Variants in ZNF491 observed in about 807,000 individuals in gnomAD.
ZNF491 encodes the protein zinc finger protein 491.
ZNF491 carries 22 observed loss-of-function variants against 34.7 expected under a neutral mutation model. The observed-to-expected ratio is 0.63, with a 90% CI of 0.45 to 0.90. The LOEUF is 0.90. Ranked by LOEUF, ZNF491 falls within the 40% of genes least tolerant of loss-of-function variation. The pLI is 0.00. For missense variants in ZNF491, 559 were observed against 531.7 expected (o/e 1.05, Z -0.51); for synonymous variants, 148 against 174.3 (o/e 0.85, Z 1.19).
chr19:11,808,047 T>C lies in ZNF491; in HGVS notation c.*780T>C, dbSNP rs1257167433. ...CTTTGATTATATGTGATTGACAATG[T>C]GTATTTTTGAGGGAGCAAAGATTTC... On this transcript the variant is annotated 3_prime_UTR_variant, in exon 3 of 3. Transcript: ENST00000323169. 1 of 167,092 alleles carries C rather than the reference T, an allele frequency of 6.0e-6. No homozygotes were observed. The highest frequency in any genetic ancestry group is 1.5e-5 in the Non-Finnish European group (1 of 68,116). The allele number at this position is 167,092 out of a possible 1,614,324, so 10.4% of individuals were successfully genotyped here. A position where few individuals can be genotyped will look rare whatever the true frequency, so the allele number is the denominator to read the frequency against.
chr19:11,802,807 C>T (rs576427943), intron 1 of ZNF491, among the ~76,000 whole-genome samples: 1 of 152,266 alleles, frequency 6.6e-6, no homozygotes, highest in Non-Finnish European at 1.5e-5. Flanking sequence ...TGTGAACACA[C>T]ATTTTCAAGT....
chr19:11,806,434 T>C lies in ZNF491; in HGVS notation c.481T>C (p.Cys161Arg). The C allele has an allele frequency of 6.2e-7, 1 of 1,613,464 alleles. No individual in the cohort carries two copies. The highest frequency in any genetic ancestry group is 8.5e-7 in the Non-Finnish European group (1 of 1,179,690). Residue 161 changes from cysteine (C) to arginine (R), a missense_variant, in exon 3 of 3, where the codon TGT becomes CGT. By Grantham distance (180) the Cys-to-Arg change is radical. Coordinates refer to ENST00000323169, the MANE Select transcript of ZNF491 (RefSeq NM_152356.4). ...RTHTGEKRYE[C>R]KQCGKAFSWH... Reference sequence around the variant, plus strand: ...TCACACTGGAGAGAAACGATATGAATGTAAACAATGTGGTAAAGCCTTCAG... The same window carrying C: ...TCACACTGGAGAGAAACGATATGAACGTAAACAATGTGGTAAAGCCTTCAG...
chr19:11,806,399 A>G lies in ZNF491; in HGVS notation c.446A>G (p.His149Arg), dbSNP rs780333499. The G allele has an allele frequency of 6.2e-7, 1 of 1,613,590 alleles. No homozygotes were observed. ...GATTGTCTCAGTTTATACCTTACCC[A>G]TGAACGAACTCACACTGGAGAGAAA... ...ALDCLSLYLT[H>R]ERTHTGEKRY... Residue 149 changes from histidine (H) to arginine (R), a missense_variant, in exon 3 of 3, where the codon CAT becomes CGT. Physicochemically the swap from His to Arg is conservative, Grantham distance 29. Transcript: ENST00000323169.
chr19:11,805,815 C>A, intron 2 of ZNF491, 132 bp from the exon 3 acceptor site: 1 of 759,890 alleles, frequency 1.3e-6, no homozygotes, highest in Non-Finnish European at 2.0e-6. Context: ...CCACTGCACT[C>A]CAGCCTGGGT....
At chr19:11,803,293 T>A (rs1310450530) in intron 1 of ZNF491, among the ~76,000 whole-genome samples, 1 of 152,182 alleles carries the variant, frequency 6.6e-6, no homozygotes, top group African/African-American at 2.4e-5. Context: ...ATAAATTTGT[T>A]ATTTTGGAAT....
At position 11,798,619 on chromosome 19, in the gene ZNF491, C is replaced by G. The variant is rs1329032799; in HGVS notation, c.-242C>G. 6.6e-6 allele frequency: 1 copy of G among 152,554 alleles called. No individual in the cohort carries two copies. Among genetic ancestry groups the G allele is most frequent in the Non-Finnish European group, 1.5e-5 (1 of 68,314 alleles). 9.5% of individuals were successfully genotyped at this position (152,554 alleles called of 1,614,324 possible). ...GTTCTGCATCCAGTCCTTGCTGCTC[C>G]GAGAGGCCCCAGGTGCCTCCGCCAC... On this transcript the variant is annotated 5_prime_UTR_variant, in exon 1 of 3. Transcript: ENST00000323169. This position sits in a 1 kb window ranked among gnomAD's most constrained non-coding sequence, Gnocchi z 4.0.
chr19:11,806,679 C>G lies in ZNF491; in HGVS notation c.726C>G (p.Pro242=). Residue 242 remains proline, a synonymous_variant, in exon 3 of 3, where the codon CCC becomes CCG. Coordinates refer to ENST00000323169, the MANE Select transcript of ZNF491 (RefSeq NM_152356.4). ...RHERTHTGEK[P]YECKLYGKAL... is the part of the protein sequence containing the mutation. ...AAAGGACTCACACAGGAGAAAAACC[C>G]TATGAATGTAAACTATATGGGAAAG... 1 of 1,612,960 alleles carries G rather than the reference C, an allele frequency of 6.2e-7. No individual in the cohort carries two copies. The highest frequency in any genetic ancestry group is 8.5e-7 in the Non-Finnish European group (1 of 1,179,646).
chr19:11,801,152 AC>A (rs1975555209), intron 1 of ZNF491, among the ~76,000 whole-genome samples: 1 of 152,200 alleles, frequency 6.6e-6, no homozygotes, highest in Non-Finnish European at 1.5e-5. Context: ...CAGCTCAGCA[AC>A]ATAGAGAGAC....
chr19:11,804,206 C>CAAAAAA (rs71166629), intron 1 of ZNF491, among the ~76,000 whole-genome samples: 44 of 69,196 alleles, frequency 6.4e-4, no homozygotes, highest in East Asian at 2.7e-3. Context: ...CCATCTCAGA[C>CAAAAAA]AAAAAAAAAA....
intron 1 of ZNF491, among the ~76,000 whole-genome samples, chr19:11,801,708 C>G (rs555426894): frequency 1.3e-5 from 2 of 152,248 alleles, no homozygotes; most frequent in East Asian, 3.9e-4. Flanking sequence ...TTTACTAGCT[C>G]AAGCATTTTA....
intron 2 of ZNF491, among the ~76,000 whole-genome samples, chr19:11,805,079 G>T (rs1025542285): frequency 2.8e-4 from 43 of 152,306 alleles, no homozygotes; most frequent in African/African-American, 1.0e-3. Flanking sequence ...TGATATAGAG[G>T]TTTAATGTTC....
intron 2 of ZNF491, among the ~76,000 whole-genome samples, chr19:11,805,409 CAAAAAA>C (rs971587205): frequency 6.7e-4 from 33 of 48,994 alleles, no homozygotes; most frequent in African/African-American, 1.6e-3. Flanking sequence ...AACTCCGTCT[CAAAAAA>C]AAAAAAAAAA....
Position 11,806,983 on chromosome 19 carries a change from A to C in ZNF491, c.1030A>C (p.Ile344Leu). 1 of 1,613,118 alleles carries C rather than the reference A, an allele frequency of 6.2e-7. No individual in the cohort carries two copies. The highest frequency in any genetic ancestry group is 8.5e-7 in the Non-Finnish European group (1 of 1,179,556). ...CTTCAGATCTGCCAAGTACATTCGA[A>C]TACATGGAAGGACTCACACTGGTGA... ...KAFRSAKYIRIHGRTHTGEKP... is the reference protein window; with the variant it reads ...KAFRSAKYIRLHGRTHTGEKP... Residue 344 changes from isoleucine to leucine, a missense_variant, in exon 3 of 3, where the codon ATA becomes CTA. Coordinates refer to ENST00000323169, the MANE Select transcript of ZNF491 (RefSeq NM_152356.4).
rs201545059 is a variant in ZNF491, at chr19:11,806,476, C to A, written c.523C>A (p.Arg175=). 3 of 1,613,646 alleles carry A rather than the reference C, an allele frequency of 1.9e-6. No individual in the cohort carries two copies. Among genetic ancestry groups the A allele is most frequent in the South Asian group, 1.1e-5 (1 of 91,000 alleles). ...AGCCTTCAGTTGGCACAGTTCTGTT[C>A]GAATCCATGAAAGAACTCACACTGG... ...GKAFSWHSSV[R]IHERTHTGEK... Residue 175 remains arginine, a synonymous_variant, in exon 3 of 3, where the codon CGA becomes AGA. Coordinates refer to ENST00000323169, the MANE Select transcript of ZNF491 (RefSeq NM_152356.4).
chr19:11,807,025 A>T lies in ZNF491; in HGVS notation c.1072A>T (p.Lys358Ter), dbSNP rs1334380751. Reference protein sequence around the residue: ...THTGEKPYECKQCGKAFHCVS... With the variant: ...THTGEKPYEC The stretch of plus-strand genomic sequence containing the variant: ...CACTGGTGAGAAACCCTATGAATGT[A>T]AGCAATGTGGGAAAGCATTTCATTG... Residue 358 changes from lysine (K) to a stop codon, truncating the protein, a stop_gained, in exon 3 of 3, where the codon AAG becomes TAG. Coordinates refer to ENST00000323169, the MANE Select transcript of ZNF491 (RefSeq NM_152356.4). LOFTEE classifies it high-confidence loss of function. The T allele has an allele frequency of 6.2e-7, 1 of 1,611,386 alleles. No homozygotes were observed. Among genetic ancestry groups the T allele is most frequent in the African/African-American group, 1.3e-5 (1 of 74,804 alleles).
rs781140555 is a variant in ZNF491 at position 11,806,882 on chromosome 19, G to GTTCCACTTCGTTTC, written c.930_943dup (p.Gln315LeufsTer135). 8 of 1,610,786 alleles carry GTTCCACTTCGTTTC rather than the reference G, an allele frequency of 5.0e-6. No individual in the cohort carries two copies. In the South Asian group the frequency reaches 8.8e-5, roughly 18 times the overall value. On this transcript the variant is annotated frameshift_variant, in exon 3 of 3. Transcript: ENST00000323169. LOFTEE classifies it high-confidence loss of function. ...AAGCAATGTGGGAAAGCCTTCACTT[G>GTTCCACTTCGTTTC]TTCCACTTCGTTTCAATATCATGAA...
At position 11,808,275 on chromosome 19, in the gene ZNF491, G is replaced by A. The variant is rs527547112; in HGVS notation, c.*1008G>A. ...TGGATACCTGTAATCCCAGCTACTC[G>A]GGAGGCTGAGGCAGGAGAATCTCCT... On this transcript the variant is annotated 3_prime_UTR_variant, in exon 3 of 3. Transcript: ENST00000323169. Among the ~76,000 whole-genome samples the A allele has an allele frequency of 3.3e-5, 5 of 151,892 alleles. No individual in the cohort carries two copies. Among genetic ancestry groups the A allele is most frequent in the South Asian group, 2.1e-4 (1 of 4,798 alleles).
chr19:11,804,265 T>C (rs1599280705), intron 1 of ZNF491, among the ~76,000 whole-genome samples: 1 of 143,330 alleles, frequency 7.0e-6, no homozygotes, highest in African/African-American at 2.6e-5. Context: ...GTCCAGAGGG[T>C]CCATTCCTCA....
intron 2 of ZNF491, among the ~76,000 whole-genome samples, chr19:11,805,308 T>C (rs576506144): frequency 1.4e-5 from 2 of 147,706 alleles, no homozygotes; most frequent in Non-Finnish European, 3.0e-5. Context: ...ACTCGGGAGG[T>C]TGAGGCAGAA....
Sources: allele counts gnomAD v4.1 joint callset (sites outside exome capture counted in the v4.1 genomes callset), GRCh38; gene constraint gnomAD v4.1.1; non-coding constraint Gnocchi (gnomAD v3.1); transcripts MANE v1.5; gene names NCBI Gene and HGNC (gene_info 2026-07-23, HGNC 2026-07-21).